Variants in ADAMTS6 observed in about 807,000 individuals in gnomAD.
ADAMTS6 encodes A disintegrin and metalloproteinase with thrombospondin motifs 6.
Under a neutral mutation model 144.3 loss-of-function variants are expected in ADAMTS6, and 23 were observed. That is an observed-to-expected ratio of 0.16 (90% CI 0.11 to 0.23). ADAMTS6 has a LOEUF of 0.23. Ranked by LOEUF, ADAMTS6 falls within the 10% of genes least tolerant of loss-of-function variation. The pLI is 1.00. For synonymous variants in ADAMTS6, 444 were observed against 457.5 expected, an observed-to-expected ratio of 0.97 and a Z score of 0.38; for missense variants, 999 against 1,379.6, an observed-to-expected ratio of 0.72 and a Z score of 4.37.
At chr5:65,352,016 A>G (rs923126698) in intron 7 of ADAMTS6, among the ~76,000 whole-genome samples, 3 of 152,206 alleles carry the variant, frequency 2.0e-5, no homozygotes, top group Non-Finnish European at 4.4e-5. Flanking sequence ...TACTTAAGAG[A>G]TGGAAGACAA....
At chr5:65,163,860 G>A (rs1039097129) in intron 24 of ADAMTS6, among the ~76,000 whole-genome samples, 14 of 152,132 alleles carry the variant, frequency 9.2e-5, no homozygotes, top group African/African-American at 3.4e-4. Context: ...ATAGTGACTC[G>A]CACGTAGTAG....
chr5:65,252,200 G>A (rs940267106), intron 14 of ADAMTS6, among the ~76,000 whole-genome samples: 5 of 152,050 alleles, frequency 3.3e-5, no homozygotes, highest in South Asian at 2.1e-4. Context: ...TTTTGGTTGC[G>A]GATGTATCTC....
intron 7 of ADAMTS6, among the ~76,000 whole-genome samples, chr5:65,431,934 C>T (rs1206533795): frequency 1.3e-5 from 2 of 151,854 alleles, no homozygotes; most frequent in African/African-American, 4.8e-5. Flanking sequence ...TACTTAAAAC[C>T]ACGAAAATGA....
chr5:65,278,438 T>C (rs529859874), intron 11 of ADAMTS6, among the ~76,000 whole-genome samples: 2 of 152,342 alleles, frequency 1.3e-5, no homozygotes, highest in Non-Finnish European at 2.9e-5. Context: ...AATTTACATG[T>C]CCATCAGCAA....
Position 65,249,532 on chromosome 5 carries a change from C to CT in ADAMTS6, c.1831-7327dup, listed in dbSNP as rs1759963534. The stretch of plus-strand genomic sequence containing the variant: ...GTCTCTTCCAAGCATCGTTTCCTTT[C>CT]TTTCCTGTTCTAAAGCCTTTTAAAT... On this transcript the variant is annotated intron_variant, in intron 14 of 24. Transcript: ENST00000381055. 3.3e-5 allele frequency among the ~76,000 whole-genome samples: 5 copies of CT among 152,278 alleles called. No individual in the cohort carries two copies. The South Asian group carries it at 1.0e-3, about 32-fold the overall frequency.
chr5:65,446,597 C>A (rs1373725148), intron 7 of ADAMTS6, among the ~76,000 whole-genome samples: 1 of 152,098 alleles, frequency 6.6e-6, no homozygotes, highest in Non-Finnish European at 1.5e-5. Context: ...TAAAAGGTGT[C>A]TTGAATTCTG....
chr5:65,455,734 C>T (rs751907705), intron 4 of ADAMTS6, among the ~76,000 whole-genome samples: 3 of 151,628 alleles, frequency 2.0e-5, no homozygotes, highest in African/African-American at 4.8e-5. Flanking sequence ...ACCTGGGAGG[C>T]GGAGGTTGCA....
intron 11 of ADAMTS6, among the ~76,000 whole-genome samples, chr5:65,285,714 T>C (rs1192982086): frequency 6.6e-6 from 1 of 151,818 alleles, no homozygotes; most frequent in East Asian, 1.9e-4. Flanking sequence ...TTAAGGAAAA[T>C]GATAGGAAGT....
intron 9 of ADAMTS6, among the ~76,000 whole-genome samples, chr5:65,303,690 A>G (rs1353823525): frequency 1.3e-5 from 2 of 151,920 alleles, no homozygotes; most frequent in African/African-American, 4.8e-5. Flanking sequence ...ATTAAAATAT[A>G]CATTAAGATA....
chr5:65,333,405 AC>A (rs11368259), intron 8 of ADAMTS6, among the ~76,000 whole-genome samples: 7,542 of 152,088 alleles, frequency 0.05, 642 homozygotes, highest in African/African-American at 0.17. Context: ...AAGACAAATG[AC>A]CCTTAGGGAG....
At position 65,452,801 on chromosome 5, in the gene ADAMTS6, C is replaced by T. The variant is rs757129775; in HGVS notation, c.749G>A (p.Arg250Gln). The T allele has an allele frequency of 9.9e-6, 16 of 1,613,954 alleles. No homozygotes were observed. The highest frequency in any genetic ancestry group is 1.2e-5 in the Non-Finnish European group (14 of 1,179,974). ...TGCCACTACCAATGTCTCCACAAAC[C>T]GTTCAATGCTCACTGATCTCTTCTG... ...HRQKRSVSIE[R>Q]FVETLVVADK... The change falls in exon 5 of 25, where the codon CGG (arginine) becomes CAG (glutamine). Residue 250 changes from arginine to glutamine, a missense_variant. By Grantham distance (43) the Arg-to-Gln change is conservative (BLOSUM62 1). Transcript: ENST00000381055.
rs540442335 is a variant in ADAMTS6, at chr5:65,352,517, T to C, written c.1074-18432A>G. On this transcript the variant is annotated intron_variant, in intron 7 of 24. Transcript: ENST00000381055. ...ATAATTATATACTATAATACTTCGG[T>C]AAAAAAAAATTTTAACAAAGAAAAA... Among the ~76,000 whole-genome samples, 4 of 151,578 alleles carry C rather than the reference T, an allele frequency of 2.6e-5. No individual in the cohort carries two copies. The South Asian group carries it at 8.3e-4, about 31-fold the overall frequency.
At chr5:65,373,352 A>G (rs201137540) in intron 7 of ADAMTS6, among the ~76,000 whole-genome samples, 5,326 of 146,234 alleles carry the variant, frequency 0.036, 130 homozygotes, top group East Asian at 0.084. Context: ...AAAATTGATA[A>G]ACAGCTAGCA....
chr5:65,289,270 C>T (rs1742049788), intron 11 of ADAMTS6, among the ~76,000 whole-genome samples: 1 of 152,192 alleles, frequency 6.6e-6, no homozygotes, highest in Admixed American at 6.5e-5. Flanking sequence ...CATGGTGGCT[C>T]ACACCTGTAA....
chr5:65,269,627 G>T (rs946866082), intron 12 of ADAMTS6, among the ~76,000 whole-genome samples: 1 of 152,046 alleles, frequency 6.6e-6, no homozygotes, highest in Non-Finnish European at 1.5e-5. Context: ...TGAAATGTCA[G>T]CTATGCCATT....
Position 65,470,905 on chromosome 5 carries a change from G to A in ADAMTS6, c.335C>T (p.Thr112Ile), listed in dbSNP as rs900918302. The A allele has an allele frequency of 6.2e-7, 1 of 1,612,392 alleles. No homozygotes were observed. The highest frequency in any genetic ancestry group is 8.5e-7 in the Non-Finnish European group (1 of 1,179,564). ...TCCATCTTTCCCCCAATATTCTACT[G>A]TAAAATGTTTGGACACAAAATCTGT... ...LNTDFVSKHFTVEYWGKDGPQ... is the reference protein window; with the variant it reads ...LNTDFVSKHFIVEYWGKDGPQ... Residue 112 changes from threonine to isoleucine, a missense_variant, in exon 3 of 25, where the codon ACA becomes ATA. Coordinates refer to ENST00000381055, the MANE Select transcript of ADAMTS6 (RefSeq NM_197941.4).
chr5:65,245,554 T>C (rs1330020660), intron 14 of ADAMTS6, among the ~76,000 whole-genome samples: 2 of 152,172 alleles, frequency 1.3e-5, no homozygotes, highest in Non-Finnish European at 2.9e-5. Context: ...ATTCCCTCTA[T>C]TTTAATAGTC....
chr5:65,405,683 A>G (rs1051601481), intron 7 of ADAMTS6, among the ~76,000 whole-genome samples: 3 of 152,192 alleles, frequency 2.0e-5, no homozygotes, highest in Admixed American at 6.5e-5. Context: ...TTCTTTGAAG[A>G]AAGTCATTGG....
At chr5:65,464,434 G>A (rs566063893) in intron 3 of ADAMTS6, among the ~76,000 whole-genome samples, 2 of 152,302 alleles carry the variant, frequency 1.3e-5, no homozygotes, top group East Asian at 3.9e-4. Flanking sequence ...AAACCGTAAT[G>A]ATATGAAAAT....
Sources: gnomAD v4.1 joint callset for allele counts (sites outside exome capture counted in the v4.1 genomes callset) on GRCh38, gnomAD v4.1.1 for gene constraint, MANE v1.5 for transcripts, NCBI Gene and HGNC (gene_info 2026-07-23, HGNC 2026-07-21) for gene names.